Variants in ALMS1 observed in about 807,000 individuals in gnomAD.
ALMS1 encodes the protein centrosome-associated protein ALMS1.
A neutral mutation model predicts 352.2 loss-of-function variants in ALMS1; 271 were observed. The observed-to-expected ratio is 0.77, with a 90% CI of 0.70 to 0.85. The LOEUF is 0.85. ALMS1 is among the 40% of genes least tolerant of loss of function. The probability of loss-of-function intolerance (pLI) is 0.00; values close to 1 mark genes in which losing one functional copy is unlikely to be tolerated. For missense variants in ALMS1, 5,445 were observed against 4,870.7 expected (o/e 1.12, Z -3.51); for synonymous variants, 1,865 against 1,761.2 (o/e 1.06, Z -1.48).
intron 11 of ALMS1, among the ~76,000 whole-genome samples, chr2:73,532,275 G>A (rs1302231218): frequency 6.6e-6 from 1 of 152,166 alleles, no homozygotes; most frequent in Non-Finnish European, 1.5e-5. Context: ...AGGCCCTGGG[G>A]CTCTACAATC....
At chr2:73,567,373 A>G (rs1218267860) in intron 15 of ALMS1, among the ~76,000 whole-genome samples, 1 of 152,232 alleles carries the variant, frequency 6.6e-6, no homozygotes, top group African/African-American at 2.4e-5. Flanking sequence ...ACCAAATGTC[A>G]TAATAAAAGA....
chr2:73,520,697 A>C (rs910141145), intron 11 of ALMS1, among the ~76,000 whole-genome samples: 2 of 152,218 alleles, frequency 1.3e-5, no homozygotes, highest in Non-Finnish European at 2.9e-5. Flanking sequence ...TCCAAAATGA[A>C]GAAGAAATGG....
At chr2:73,440,452 C>G (rs556265786) in intron 7 of ALMS1, among the ~76,000 whole-genome samples, 76 of 152,144 alleles carry the variant, frequency 5.0e-4, no homozygotes, top group Non-Finnish European at 8.7e-4. Context: ...CGTTCGCTGT[C>G]TTTCTCTCTC....
intron 9 of ALMS1, among the ~76,000 whole-genome samples, chr2:73,472,650 G>T (rs1164032974): frequency 6.6e-6 from 1 of 152,010 alleles, no homozygotes; most frequent in Non-Finnish European, 1.5e-5. Flanking sequence ...TGCAGAAACA[G>T]AACACTATGG....
At chr2:73,526,562 T>C (rs950693911) in intron 11 of ALMS1, among the ~76,000 whole-genome samples, 6 of 151,960 alleles carry the variant, frequency 3.9e-5, no homozygotes, top group Admixed American at 3.9e-4. Context: ...TAAATGGGAT[T>C]ATTTTTAAAT....
rs765685207 is a variant in ALMS1, at chr2:73,450,150, G to A, written c.3623G>A (p.Gly1208Asp). The change falls in exon 8 of 23, where the codon GGT (glycine) becomes GAT (aspartate). Residue 1208 changes from glycine (G) to aspartate (D), a missense_variant. By Grantham distance (94) the Gly-to-Asp change is moderately conservative. Coordinates refer to ENST00000613296, the MANE Select transcript of ALMS1 (RefSeq NM_001378454.1). Reference protein sequence around the residue: ...PGIFYQQTLPGSHIPEEAQKV... With the variant: ...PGIFYQQTLPDSHIPEEAQKV... Reference sequence around the variant, plus strand: ...ATTTTCTATCAACAGACCTTGCCAGGTAGTCACATACCTGAAGAGGCACAG... The same window carrying A: ...ATTTTCTATCAACAGACCTTGCCAGATAGTCACATACCTGAAGAGGCACAG... The A allele has an allele frequency of 4.3e-6, 7 of 1,613,690 alleles. No homozygotes were observed. In the South Asian group the frequency reaches 6.6e-5, roughly 15 times the overall value.
At chr2:73,446,291 AAT>A (rs1671810096) in intron 7 of ALMS1, among the ~76,000 whole-genome samples, 1 of 152,172 alleles carries the variant, frequency 6.6e-6, no homozygotes, top group Non-Finnish European at 1.5e-5. Context: ...TGGTGTCACT[AAT>A]AATTTGTAAT....
intron 2 of ALMS1, among the ~76,000 whole-genome samples, chr2:73,414,707 G>C (rs1386397859): frequency 6.6e-6 from 1 of 151,020 alleles, no homozygotes; most frequent in African/African-American, 2.4e-5. Flanking sequence ...TCCTTTCTTG[G>C]GTTCTTCTGG....
intron 1 of ALMS1, among the ~76,000 whole-genome samples, chr2:73,401,704 T>C (rs1670875298): frequency 6.6e-6 from 1 of 151,982 alleles, no homozygotes; most frequent in Non-Finnish European, 1.5e-5. Flanking sequence ...TGGCAAGAGC[T>C]TCTAAAATCC....
intron 16 of ALMS1, among the ~76,000 whole-genome samples, chr2:73,580,976 A>G (rs1675164982): frequency 6.6e-6 from 1 of 152,064 alleles, no homozygotes; most frequent in Non-Finnish European, 1.5e-5. Flanking sequence ...GCCATTCACA[A>G]CTCTCTGCCT....
chr2:73,464,881 A>C (rs961184690), intron 9 of ALMS1, among the ~76,000 whole-genome samples: 1 of 152,166 alleles, frequency 6.6e-6, no homozygotes, highest in African/African-American at 2.4e-5. Flanking sequence ...TAGGAATCCA[A>C]CTTACAAGGG....
chr2:73,455,287 T>C lies in ALMS1; in HGVS notation c.7666T>C (p.Leu2556=), dbSNP rs2103797706. 4.3e-6 allele frequency: 7 copies of C among 1,614,062 alleles called. No homozygotes were observed. Among genetic ancestry groups the C allele is most frequent in the Non-Finnish European group, 5.9e-6 (7 of 1,179,978 alleles). Residue 2556 remains leucine, a synonymous_variant, in exon 9 of 23, where the codon TTG becomes CTG. Transcript: ENST00000613296. ...ATTTGGTCATGGAAGAACAACTGACTTGTCCAAGGTATAAAAGAAATCTGG... is the reference window on the plus strand; with the variant it reads ...ATTTGGTCATGGAAGAACAACTGACCTGTCCAAGGTATAAAAGAAATCTGG... ...ELFGHGRTTD[L]SKGLQSPRGM...
intron 16 of ALMS1, among the ~76,000 whole-genome samples, chr2:73,582,738 C>T (rs1675213045): frequency 6.6e-6 from 1 of 152,168 alleles, no homozygotes; most frequent in African/African-American, 2.4e-5. Flanking sequence ...TGATATTCTA[C>T]TGTTTACATA....
intron 16 of ALMS1, among the ~76,000 whole-genome samples, chr2:73,579,698 T>C (rs1049888092): frequency 6.6e-6 from 1 of 152,204 alleles, no homozygotes; most frequent in Non-Finnish European, 1.5e-5. Context: ...ATTTCAAATA[T>C]GTCATTTCAC....
chr2:73,414,489 G>GTTTT (rs11395837), intron 2 of ALMS1, among the ~76,000 whole-genome samples: 1 of 94,250 alleles, frequency 1.1e-5, no homozygotes, highest in Non-Finnish European at 2.0e-5. Context: ...TTTTTTTTTT[G>GTTTT]TTTTTTTTTT....
intron 1 of ALMS1, among the ~76,000 whole-genome samples, chr2:73,406,187 G>A (rs1307675827): frequency 6.6e-6 from 1 of 152,160 alleles, no homozygotes. Flanking sequence ...GAGCTCCAAT[G>A]TCTGACACAT....
chr2:73,449,925 A>G lies in ALMS1; in HGVS notation c.3398A>G (p.Lys1133Arg), dbSNP rs1671892179. 3 of 1,613,784 alleles carry G rather than the reference A, an allele frequency of 1.9e-6. No homozygotes were observed. The highest frequency in any genetic ancestry group is 1.7e-6 in the Non-Finnish European group (2 of 1,179,932). ...ISVAPGLADQ[K>R]TGTPTVTSTS... ...GTAGCTCCTGGACTAGCAGACCAGA[A>G]GACTGGCACACCAACTGTAACCTCA... is the stretch of plus-strand genomic sequence containing the variant. Residue 1133 changes from lysine (K) to arginine (R), a missense_variant, in exon 8 of 23, where the codon AAG becomes AGG. Physicochemically the swap from Lys to Arg is conservative, Grantham distance 26. Coordinates refer to ENST00000613296, the MANE Select transcript of ALMS1 (RefSeq NM_001378454.1).
intron 13 of ALMS1, among the ~76,000 whole-genome samples, chr2:73,553,014 G>T (rs945668697): frequency 1.3e-5 from 2 of 152,048 alleles, no homozygotes; most frequent in Non-Finnish European, 2.9e-5. Flanking sequence ...ACTAGTATAG[G>T]AATAAATTTC....
intron 1 of ALMS1, among the ~76,000 whole-genome samples, chr2:73,397,396 T>A (rs935125843): frequency 1.1e-4 from 16 of 152,014 alleles, no homozygotes; most frequent in African/African-American, 3.9e-4. Flanking sequence ...TTTTTTTTTT[T>A]ATGATGGGGA....
Sources: gnomAD v4.1 joint callset for allele counts (sites outside exome capture counted in the v4.1 genomes callset) on GRCh38, gnomAD v4.1.1 for gene constraint, MANE v1.5 for transcripts, NCBI Gene and HGNC (gene_info 2026-07-23, HGNC 2026-07-21) for gene names.